Variants in VEZT observed in about 807,000 individuals in gnomAD.
The protein encoded by VEZT is vezatin, adherens junctions transmembrane protein.
In VEZT, 39 loss-of-function variants were observed where a neutral mutation model predicts 79.9. The observed-to-expected ratio is 0.49, with a 90% confidence interval of 0.38 to 0.64. The LOEUF is 0.64. Ranked by LOEUF, VEZT falls within the 30% of genes least tolerant of loss-of-function variation. The pLI is 0.00. For missense variants in VEZT, 837 were observed against 893.1 expected, an observed-to-expected ratio of 0.94 and a Z score of 0.80; for synonymous variants, 325 against 327.6, an observed-to-expected ratio of 0.99 and a Z score of 0.09.
intron 7 of VEZT, among the ~76,000 whole-genome samples, chr12:95,277,714 T>C (rs987474088): frequency 6.6e-6 from 1 of 152,218 alleles, no homozygotes; most frequent in African/African-American, 2.4e-5. Flanking sequence ...TGAACTTATG[T>C]CACCTGTGAA....
chr12:95,240,021 AAAGG>A (rs372963849), intron 1 of VEZT, among the ~76,000 whole-genome samples: 7,083 of 81,368 alleles, frequency 0.087, 280 homozygotes, highest in Non-Finnish European at 0.12. Context: ...AGAGAGAAAG[AAAGG>A]AAGGAAGGAA....
At chr12:95,283,438 G>A (rs2069698642) in intron 8 of VEZT, among the ~76,000 whole-genome samples, 1 of 152,108 alleles carries the variant, frequency 6.6e-6, no homozygotes, top group Non-Finnish European at 1.5e-5. Context: ...AATCAGGAAG[G>A]TCCTAGGAAT....
At chr12:95,225,309 C>A (rs2058257080) in intron 1 of VEZT, among the ~76,000 whole-genome samples, 1 of 152,206 alleles carries the variant, frequency 6.6e-6, no homozygotes, top group Non-Finnish European at 1.5e-5. Context: ...GCCATCACCA[C>A]TTTGGGAGTC....
At chr12:95,219,212 G>T (rs1156289755) in intron 1 of VEZT, among the ~76,000 whole-genome samples, 2 of 151,988 alleles carry the variant, frequency 1.3e-5, no homozygotes, top group Non-Finnish European at 2.9e-5. Flanking sequence ...GTAACTGATG[G>T]GTGTATTTTT....
At position 95,301,353 on chromosome 12, in the gene VEZT, TG is replaced by T. The variant is rs1236693779; in HGVS notation, c.*681del. ...ACACTTTCACCTTTCTTTTTGCAAT[TG>T]AAAGTGATGATGTCAAAGTGGGATT... On this transcript the variant is annotated 3_prime_UTR_variant, in exon 12 of 12. Transcript: ENST00000436874. 10 of 152,306 alleles carry T rather than the reference TG, an allele frequency of 6.6e-5. No individual in the cohort carries two copies. Among genetic ancestry groups the T allele is most frequent in the African/African-American group, 2.2e-4 (9 of 41,562 alleles). The allele number at this position is 152,306 out of a possible 1,614,324, so 9.4% of individuals were successfully genotyped here. A position where few individuals can be genotyped will look rare whatever the true frequency, so the allele number is the denominator to read the frequency against.
At chr12:95,291,826 G>C (rs2072912872) in intron 9 of VEZT, among the ~76,000 whole-genome samples, 1 of 152,132 alleles carries the variant, frequency 6.6e-6, no homozygotes, top group South Asian at 2.1e-4. Flanking sequence ...GAGTCTCACT[G>C]TGTTGTGCAG....
chr12:95,220,624 T>C (rs554347470), intron 1 of VEZT, among the ~76,000 whole-genome samples: 2 of 152,324 alleles, frequency 1.3e-5, no homozygotes, highest in South Asian at 2.1e-4. Context: ...TCCATTTATA[T>C]ACTCTCTTAT....
In VEZT at chr12:95,302,315, TG is replaced by T. The variant is rs1259941342; in HGVS notation, c.*1647del. On this transcript the variant is annotated 3_prime_UTR_variant, in exon 12 of 12. Transcript: ENST00000436874. ...GTATGTTACTTTTATTACACCAGTT[TG>T]GGGGAAAATCTTCATAAAATTGTAT... 1.3e-5 allele frequency: 2 copies of T among 152,170 alleles called. No homozygotes were observed. The highest frequency in any genetic ancestry group is 2.9e-5 in the Non-Finnish European group (2 of 68,012). The allele number at this position is 152,170 out of a possible 1,614,324, so 9.4% of individuals were successfully genotyped here.
intron 2 of VEZT, among the ~76,000 whole-genome samples, chr12:95,256,042 A>C (rs1166594167): frequency 6.6e-6 from 1 of 150,428 alleles, no homozygotes; most frequent in Non-Finnish European, 1.5e-5. Flanking sequence ...TCTTCCCTTG[A>C]CTGAAGTGAT....
At chr12:95,232,632 T>C (rs536945415) in intron 1 of VEZT, among the ~76,000 whole-genome samples, 4 of 152,212 alleles carry the variant, frequency 2.6e-5, no homozygotes, top group Admixed American at 6.5e-5. Flanking sequence ...TTGTGTTTAA[T>C]ATGGACTGCA....
chr12:95,293,345 A>C (rs2073419368), intron 9 of VEZT, among the ~76,000 whole-genome samples: 1 of 152,236 alleles, frequency 6.6e-6, no homozygotes, highest in Non-Finnish European at 1.5e-5. Context: ...CTTTATTTTA[A>C]CCATTTAACT....
chr12:95,244,779 T>G (rs1191158727), intron 1 of VEZT, among the ~76,000 whole-genome samples: 1 of 85,314 alleles, frequency 1.2e-5, no homozygotes, highest in Non-Finnish European at 2.6e-5. Context: ...TTTTGGTGTG[T>G]TTTTTTTTTT....
intron 1 of VEZT, among the ~76,000 whole-genome samples, chr12:95,232,286 C>A (rs1466627115): frequency 1.3e-5 from 2 of 152,060 alleles, no homozygotes; most frequent in African/African-American, 4.8e-5. Flanking sequence ...AATTAAAGAT[C>A]TTTTAGAGGT....
chr12:95,286,062 G>A lies in VEZT; in HGVS notation c.1329-1602G>A, dbSNP rs868414370. 2.3e-5 allele frequency among the ~76,000 whole-genome samples: 3 copies of A among 132,336 alleles called. No individual in the cohort carries two copies. In the East Asian group the frequency reaches 7.3e-4, roughly 32 times the overall value. 86.8% of individuals were successfully genotyped at this position (132,336 alleles called of 152,430 possible). ...GGCTGGAGTGCAGTGGCATGATCTCGGCTCACTGCAACCTCTGCCTCCCAC... is the reference window on the plus strand; with the variant it reads ...GGCTGGAGTGCAGTGGCATGATCTCAGCTCACTGCAACCTCTGCCTCCCAC... On this transcript the variant is annotated intron_variant, in intron 8 of 11. Coordinates refer to ENST00000436874, the MANE Select transcript of VEZT (RefSeq NM_017599.4).
intron 1 of VEZT, among the ~76,000 whole-genome samples, chr12:95,251,049 C>T (rs113633577): frequency 0.077 from 11,739 of 152,036 alleles, 504 homozygotes; most frequent in Middle Eastern, 0.12. Context: ...TTGCTCTTGT[C>T]GCCCAGGCTG....
chr12:95,218,128 G>C (rs950147184), intron 1 of VEZT: 21 of 375,146 alleles, frequency 5.6e-5, no homozygotes, highest in Non-Finnish European at 1.0e-4. Flanking sequence ...ACGGTGCCCG[G>C]TTGCCAGGCT....
chr12:95,284,157 G>A (rs1294113383), intron 8 of VEZT, among the ~76,000 whole-genome samples: 2 of 152,168 alleles, frequency 1.3e-5, no homozygotes, highest in East Asian at 3.8e-4. Flanking sequence ...GTTTTAAAGT[G>A]TAATATTCTA....
At chr12:95,285,365 C>T (rs1391853724) in intron 8 of VEZT, among the ~76,000 whole-genome samples, 16 of 151,352 alleles carry the variant, frequency 1.1e-4, no homozygotes, top group Non-Finnish European at 1.5e-5. Context: ...GATCACCTGA[C>T]CCCTGGAGGT....
rs116177519 is a variant in VEZT, at chr12:95,247,604, G to A, written c.37-4336G>A. On this transcript the variant is annotated intron_variant, in intron 1 of 11. Transcript: ENST00000436874. ...GAGTTCTAATATGATGTCATTAGAC[G>A]TCCATGTAAACAAAAGCTCTTTGGG... Among the ~76,000 whole-genome samples the A allele has an allele frequency of 3.4e-3, 518 of 151,974 alleles. 1 individual carries two copies. The highest frequency in any genetic ancestry group is 0.012 in the African/African-American group (481 of 41,460).
Sources: allele counts gnomAD v4.1 joint callset (sites outside exome capture counted in the v4.1 genomes callset), GRCh38; gene constraint gnomAD v4.1.1; transcripts MANE v1.5; gene names NCBI Gene and HGNC (gene_info 2026-07-23, HGNC 2026-07-21).